The following CADM2 variants were observed in gnomAD, a reference collection of about 807,000 sequenced individuals.
The protein encoded by CADM2 is cell adhesion molecule 2.
Under a neutral mutation model 49.8 loss-of-function variants are expected in CADM2, and 12 were observed. That is an observed-to-expected ratio of 0.24 (90% CI 0.15 to 0.39). The LOEUF is 0.39. Ranked by LOEUF, CADM2 falls within the 10% of genes least tolerant of loss-of-function variation. CADM2 has a pLI of 1.00. For missense variants in CADM2, 378 were observed against 492.3 expected (o/e 0.77, Z 2.20); for synonymous variants, 214 against 175.4 (o/e 1.22, Z -1.74).
chr3:85,733,496 T>A (rs2068016789), intron 2 of CADM2, among the ~76,000 whole-genome samples: 1 of 152,168 alleles, frequency 6.6e-6, no homozygotes, highest in Non-Finnish European at 1.5e-5. Context: ...AAGTACAAAC[T>A]AGTCTGGGTC....
chr3:85,144,019 C>G (rs530360911), intron 1 of CADM2, among the ~76,000 whole-genome samples: 2 of 152,262 alleles, frequency 1.3e-5, no homozygotes, highest in Non-Finnish European at 2.9e-5. Flanking sequence ...AGGAACACAG[C>G]TCAGGCATCT....
In CADM2 at chr3:85,000,384, TCCCA is replaced by T; in HGVS notation, c.61+40717_61+40720del. 1.3e-5 allele frequency among the ~76,000 whole-genome samples: 2 copies of T among 151,846 alleles called. 1 individual carries two copies. Among genetic ancestry groups the T allele is most frequent in the South Asian group, 4.2e-4 (2 of 4,816 alleles). ...CTCAAGCAATCCTCCCACTTCGGCCTCCCAAAGCACTGCTTCTATTCTTTTAAAG... is the reference window on the plus strand; with the variant it reads ...CTCAAGCAATCCTCCCACTTCGGCCTAAGCACTGCTTCTATTCTTTTAAAG... On this transcript the variant is annotated intron_variant, in intron 1 of 9. Transcript: ENST00000383699.
intron 3 of CADM2, among the ~76,000 whole-genome samples, chr3:85,825,790 GT>G (rs2073878259): frequency 6.6e-6 from 1 of 151,894 alleles, no homozygotes; most frequent in Non-Finnish European, 1.5e-5. Flanking sequence ...GGTTACAAAT[GT>G]TTTTTGTTTA....
chr3:85,708,077 G>A (rs907389260), intron 1 of CADM2, among the ~76,000 whole-genome samples: 8 of 152,078 alleles, frequency 5.3e-5, no homozygotes, highest in Admixed American at 2.0e-4. Flanking sequence ...GCGTAGGAAC[G>A]GAATTTGGAT....
chr3:85,285,176 G>C (rs904922391), intron 1 of CADM2, among the ~76,000 whole-genome samples: 1 of 152,124 alleles, frequency 6.6e-6, no homozygotes, highest in African/African-American at 2.4e-5. Flanking sequence ...TTCAGACAAA[G>C]ATGGTTTGAG....
At chr3:85,122,781 A>AAGGTCT (rs997891973) in intron 1 of CADM2, among the ~76,000 whole-genome samples, 5 of 152,042 alleles carry the variant, frequency 3.3e-5, no homozygotes, top group Non-Finnish European at 5.9e-5. Context: ...CTAGACCCTC[A>AAGGTCT]AGGAAATACC....
intron 2 of CADM2, among the ~76,000 whole-genome samples, chr3:85,801,453 C>G (rs1369530015): frequency 2.0e-5 from 3 of 152,044 alleles, no homozygotes; most frequent in African/African-American, 7.2e-5. Context: ...AATGGATATT[C>G]TACACTTTTT....
intron 1 of CADM2, among the ~76,000 whole-genome samples, chr3:85,275,147 C>T (rs1433028323): frequency 6.6e-6 from 1 of 151,514 alleles, no homozygotes. Context: ...GGAAGAATAA[C>T]TTGAGTATTC....
intron 1 of CADM2, among the ~76,000 whole-genome samples, chr3:84,969,471 A>C (rs1436899768): frequency 6.6e-6 from 1 of 151,306 alleles, no homozygotes; most frequent in African/African-American, 2.4e-5. Context: ...GTATATTATT[A>C]TTATAGTATT....
intron 1 of CADM2, among the ~76,000 whole-genome samples, chr3:85,105,037 C>G (rs961110586): frequency 6.6e-6 from 1 of 152,118 alleles, no homozygotes; most frequent in Non-Finnish European, 1.5e-5. Context: ...TTGACTTCCT[C>G]TTTTCCTAGT....
intron 1 of CADM2, among the ~76,000 whole-genome samples, chr3:85,672,191 C>CT (rs5850710): frequency 0.39 from 48,868 of 124,266 alleles, 10,785 homozygotes; most frequent in East Asian, 0.52. Context: ...TCTAGGATGT[C>CT]TTTTTTTTTT....
intron 1 of CADM2, among the ~76,000 whole-genome samples, chr3:85,340,633 A>G (rs1186875312): frequency 6.6e-6 from 1 of 151,624 alleles, no homozygotes; most frequent in East Asian, 1.9e-4. Context: ...AATGTATTGA[A>G]AAGAGAATTA....
intron 3 of CADM2, among the ~76,000 whole-genome samples, chr3:85,816,618 A>G (rs2108158787): frequency 6.6e-6 from 1 of 152,294 alleles, no homozygotes; most frequent in East Asian, 1.9e-4. Flanking sequence ...TTTTTCAAAT[A>G]TCGTTTTTCA....
At position 85,265,413 on chromosome 3, in the gene CADM2, T is replaced by G. The variant is rs575892063; in HGVS notation, c.61+305745T>G. ...TTCTAGAGGCTGAGAAGCCCAGGGT[T>G]GAGGGACCTGTGTCTGTTAAGGGCC... On this transcript the variant is annotated intron_variant, in intron 1 of 9. Coordinates refer to ENST00000383699, the MANE Select transcript of CADM2 (RefSeq NM_001167675.2). Among the ~76,000 whole-genome samples, 5 of 152,102 alleles carry G rather than the reference T, an allele frequency of 3.3e-5. No individual in the cohort carries two copies. The South Asian group carries it at 1.0e-3, about 32-fold the overall frequency.
chr3:85,250,917 T>A (rs1377513442), intron 1 of CADM2, among the ~76,000 whole-genome samples: 1 of 151,682 alleles, frequency 6.6e-6, no homozygotes, highest in East Asian at 1.9e-4. Context: ...GTTACAAAGG[T>A]GTGATGTATG....
chr3:85,492,946 C>T (rs1045148805), intron 1 of CADM2, among the ~76,000 whole-genome samples: 1 of 151,802 alleles, frequency 6.6e-6, no homozygotes, highest in African/African-American at 2.4e-5. Context: ...TTTTATAACT[C>T]GTATAAATTA....
At chr3:85,070,141 T>C (rs184892396) in intron 1 of CADM2, among the ~76,000 whole-genome samples, 382 of 152,268 alleles carry the variant, frequency 2.5e-3, no homozygotes, top group African/African-American at 7.9e-3. Flanking sequence ...TTTTACTACA[T>C]TTTTTCATTA....
At chr3:86,026,786 CTG>C (rs1293549904) in intron 8 of CADM2, among the ~76,000 whole-genome samples, 1 of 152,190 alleles carries the variant, frequency 6.6e-6, no homozygotes, top group Non-Finnish European at 1.5e-5. Context: ...TGCCACTAGA[CTG>C]TGAGATGATT....
intron 8 of CADM2, among the ~76,000 whole-genome samples, chr3:86,061,995 G>GA (rs889883738): frequency 1.9e-4 from 28 of 149,712 alleles, no homozygotes; most frequent in African/African-American, 6.4e-4. Flanking sequence ...GTGGGGGGGG[G>GA]GTTGAATTTG....
Sources: allele counts gnomAD v4.1 joint callset (sites outside exome capture counted in the v4.1 genomes callset), GRCh38; gene constraint gnomAD v4.1.1; transcripts MANE v1.5; gene names NCBI Gene and HGNC (gene_info 2026-07-23, HGNC 2026-07-21).